Variants in KDM4C observed in about 807,000 individuals in gnomAD.
KDM4C encodes the protein lysine demethylase 4C.
A neutral mutation model predicts 129.3 loss-of-function variants in KDM4C; 81 were observed. The observed-to-expected ratio is 0.63, with a 90% CI of 0.52 to 0.75. The LOEUF is 0.75. KDM4C is among the 30% of genes least tolerant of loss of function. KDM4C has a pLI of 0.00. For synonymous variants in KDM4C, 573 were observed against 456.1 expected, an observed-to-expected ratio of 1.26 and a Z score of -3.26; for missense variants, 1,457 against 1,304.0, an observed-to-expected ratio of 1.12 and a Z score of -1.81.
At chr9:6,981,338 T>G (rs1057336392) in intron 9 of KDM4C, among the ~76,000 whole-genome samples, 1 of 152,234 alleles carries the variant, frequency 6.6e-6, no homozygotes, top group African/African-American at 2.4e-5. Context: ...CTGAAGTTGC[T>G]CGACATGGCA....
At chr9:6,733,537 G>C (rs1393805210) in intron 1 of KDM4C, among the ~76,000 whole-genome samples, 2 of 152,148 alleles carry the variant, frequency 1.3e-5, no homozygotes, top group African/African-American at 4.8e-5. Context: ...TTGGCTTTTG[G>C]TATTAGATGC....
intron 8 of KDM4C, among the ~76,000 whole-genome samples, chr9:6,928,866 G>A (rs1184337784): frequency 2.6e-5 from 4 of 152,174 alleles, no homozygotes; most frequent in Non-Finnish European, 5.9e-5. Context: ...AGTAGTGTGA[G>A]CAGGGAATCC....
In KDM4C at chr9:6,768,155, T is replaced by C. The variant is rs73639356; in HGVS notation, c.-18+9952T>C. 6.3e-3 allele frequency among the ~76,000 whole-genome samples: 957 copies of C among 152,122 alleles called. 8 individuals carry two copies. Among genetic ancestry groups the C allele is most frequent in the African/African-American group, 0.022 (906 of 41,506 alleles). ...AGAGTGTCAGGCATTGGAAGACTAA[T>C]GTCTTCAGTGTGGTTCCCTAATTAA... On this transcript the variant is annotated intron_variant, in intron 1 of 21. Transcript: ENST00000381309.
At chr9:7,167,406 T>C (rs1240482805) in intron 20 of KDM4C, among the ~76,000 whole-genome samples, 2 of 152,218 alleles carry the variant, frequency 1.3e-5, no homozygotes, top group Non-Finnish European at 2.9e-5. Flanking sequence ...CCTTTTTGTC[T>C]TTTCGATGTT....
chr9:7,167,862 A>G (rs1256436410), intron 20 of KDM4C, among the ~76,000 whole-genome samples: 1 of 152,228 alleles, frequency 6.6e-6, no homozygotes, highest in East Asian at 1.9e-4. Context: ...GTGCAGCGAT[A>G]TATCAGTTGG....
chr9:7,082,559 G>A (rs182430902), intron 17 of KDM4C, among the ~76,000 whole-genome samples: 4 of 152,260 alleles, frequency 2.6e-5, no homozygotes, highest in East Asian at 1.9e-4. Context: ...CTTCCCATCC[G>A]TGAGTCTCAG....
intron 8 of KDM4C, among the ~76,000 whole-genome samples, chr9:6,917,402 C>T (rs993769175): frequency 6.6e-6 from 1 of 152,178 alleles, no homozygotes; most frequent in Non-Finnish European, 1.5e-5. Context: ...CTTCTTACTT[C>T]CCCCTTTCAC....
intron 4 of KDM4C, among the ~76,000 whole-genome samples, chr9:6,824,107 C>G (rs564872681): frequency 4.6e-5 from 7 of 152,288 alleles, no homozygotes; most frequent in African/African-American, 1.7e-4. Context: ...CATAGAGAGT[C>G]TTTGATTTGG....
Position 7,085,377 on chromosome 9 carries a change from A to G in KDM4C, c.2425-18308A>G, listed in dbSNP as rs190004854. Among the ~76,000 whole-genome samples, 9 of 152,352 alleles carry G rather than the reference A, an allele frequency of 5.9e-5. No individual in the cohort carries two copies. The East Asian group carries it at 1.7e-3, about 29-fold the overall frequency. Reference sequence around the variant, plus strand: ...TTCTTTTTCCTTGTTTCAAAGAGCCAGTGTGCTGTGCCAAAAGTTGTTTCT... The same window carrying G: ...TTCTTTTTCCTTGTTTCAAAGAGCCGGTGTGCTGTGCCAAAAGTTGTTTCT... On this transcript the variant is annotated intron_variant, in intron 17 of 21. Transcript: ENST00000381309.
At chr9:6,954,619 T>C (rs1828751317) in intron 8 of KDM4C, among the ~76,000 whole-genome samples, 1 of 152,226 alleles carries the variant, frequency 6.6e-6, no homozygotes, top group Admixed American at 6.5e-5. Context: ...TTCTGGAGTT[T>C]GGATTCATAG....
At chr9:6,834,566 C>A in intron 4 of KDM4C, 2 of 713,806 alleles carry the variant, frequency 2.8e-6, no homozygotes, top group East Asian at 5.1e-5. Flanking sequence ...CGTGTGGCAC[C>A]CCAAGCACCA....
At chr9:6,983,336 A>G (rs1817092598) in intron 9 of KDM4C, among the ~76,000 whole-genome samples, 1 of 152,206 alleles carries the variant, frequency 6.6e-6, no homozygotes, top group African/African-American at 2.4e-5. Flanking sequence ...TTTCATATGT[A>G]AAAAGCATAT....
intron 2 of KDM4C, among the ~76,000 whole-genome samples, chr9:6,798,799 C>G (rs1341668152): frequency 6.6e-6 from 1 of 152,202 alleles, no homozygotes; most frequent in East Asian, 1.9e-4. Flanking sequence ...GGGCTCCTCA[C>G]TTCCCCGTAG....
chr9:7,081,543 C>G (rs1363646190), intron 17 of KDM4C, among the ~76,000 whole-genome samples: 1 of 152,152 alleles, frequency 6.6e-6, no homozygotes, highest in Non-Finnish European at 1.5e-5. Flanking sequence ...TAGTGCTGCC[C>G]CATTGACTGA....
chr9:6,846,799 G>T (rs1837927275), intron 4 of KDM4C, among the ~76,000 whole-genome samples: 1 of 152,102 alleles, frequency 6.6e-6, no homozygotes, highest in Admixed American at 6.6e-5. Context: ...CTAGAGAATA[G>T]TGGTGATATT....
intron 8 of KDM4C, among the ~76,000 whole-genome samples, chr9:6,974,043 C>T (rs1043361068): frequency 6.6e-6 from 1 of 152,266 alleles, no homozygotes; most frequent in South Asian, 2.1e-4. Flanking sequence ...GGCTGGTGGG[C>T]AGGATACTGA....
intron 1 of KDM4C, chr9:6,748,744 T>G (rs1388483326): frequency 6.7e-7 from 1 of 1,485,262 alleles, no homozygotes. Context: ...TTATCTCCTT[T>G]TAGCATGATC....
chr9:7,033,432 G>T (rs1188503573), intron 15 of KDM4C, among the ~76,000 whole-genome samples: 5 of 152,166 alleles, frequency 3.3e-5, no homozygotes, highest in Admixed American at 3.3e-4. Context: ...TCCTGAGGTG[G>T]CAGATTATTC....
rs976430853 is a variant in KDM4C, at chr9:6,851,791, T to A, written c.629+2091T>A. 2.0e-4 allele frequency among the ~76,000 whole-genome samples: 31 copies of A among 152,344 alleles called. No individual in the cohort carries two copies. The East Asian group carries it at 5.4e-3, about 27-fold the overall frequency. On this transcript the variant is annotated intron_variant, in intron 5 of 21. Coordinates refer to ENST00000381309, the MANE Select transcript of KDM4C (RefSeq NM_015061.6). ...CTAATGATCACTTCAGGAAGAATAT[T>A]CTGGTCAGGGCTAAGATGGATTCTG...
Sources: gnomAD v4.1 joint callset for allele counts (sites outside exome capture counted in the v4.1 genomes callset) on GRCh38, gnomAD v4.1.1 for gene constraint, MANE v1.5 for transcripts, NCBI Gene and HGNC (gene_info 2026-07-23, HGNC 2026-07-21) for gene names.